PTPRT: variants seen among roughly 807,000 people sequenced by gnomAD.
PTPRT encodes the protein protein tyrosine phosphatase receptor type T, also known as receptor-type tyrosine-protein phosphatase T.
A neutral mutation model predicts 176.8 loss-of-function variants in PTPRT; 56 were observed. That is an observed-to-expected ratio of 0.32 (90% CI 0.26 to 0.40). PTPRT has a LOEUF of 0.40. PTPRT is among the 10% of genes least tolerant of loss of function. The pLI is 1.00. For missense variants in PTPRT, 1,540 were observed against 1,908.2 expected (o/e 0.81, Z 3.60); for synonymous variants, 783 against 739.0 (o/e 1.06, Z -0.96).
At chr20:42,209,842 A>C (rs563373801) in intron 15 of PTPRT, among the ~76,000 whole-genome samples, 4 of 152,228 alleles carry the variant, frequency 2.6e-5, no homozygotes, top group East Asian at 1.9e-4. Flanking sequence ...GAGACACAAC[A>C]AAAAAAGAGA....
At chr20:42,106,589 C>T (rs749520759) in intron 24 of PTPRT, among the ~76,000 whole-genome samples, 197 bp downstream of exon 24, 1 of 152,278 alleles carries the variant, frequency 6.6e-6, no homozygotes, top group Admixed American at 6.5e-5. Context: ...CACTGTAGAC[C>T]TCCAGGGTTG....
rs138293091 is a variant in PTPRT at position 43,094,627 on chromosome 20, A to G, written c.88+95019T>C. On this transcript the variant is annotated intron_variant, in intron 1 of 30. Transcript: ENST00000373187. ...TGGTCAGGCTGGTCTCAAACTCCCA[A>G]CCTCAAGTATCTGCCCGCCTCAGCC... Among the ~76,000 whole-genome samples, 1,438 of 145,932 alleles carry G rather than the reference A, an allele frequency of 9.9e-3. 8 individuals are homozygous for G. Among genetic ancestry groups the G allele is most frequent in the South Asian group, 0.027 (122 of 4,536 alleles).
At chr20:42,642,160 A>G (rs1273821160) in intron 7 of PTPRT, among the ~76,000 whole-genome samples, 6 of 152,158 alleles carry the variant, frequency 3.9e-5, no homozygotes, top group Non-Finnish European at 1.5e-5. Context: ...GGCTGCCACT[A>G]AGAAGAGGAT....
chr20:43,100,111 C>T (rs1164597387), intron 1 of PTPRT, among the ~76,000 whole-genome samples: 3 of 152,206 alleles, frequency 2.0e-5, no homozygotes, highest in Non-Finnish European at 2.9e-5. Context: ...CACAGTGGCT[C>T]ATGCCAGTAA....
chr20:42,671,413 G>C (rs1394075404), intron 7 of PTPRT, among the ~76,000 whole-genome samples: 1 of 152,120 alleles, frequency 6.6e-6, no homozygotes, highest in Non-Finnish European at 1.5e-5. Flanking sequence ...GCAATTCTAA[G>C]ACCCAACTCC....
intron 16 of PTPRT, among the ~76,000 whole-genome samples, chr20:42,191,727 C>T (rs183014352): frequency 4.0e-4 from 61 of 152,204 alleles, no homozygotes; most frequent in Admixed American, 1.4e-3. Flanking sequence ...AAGGCCAGCA[C>T]GTGGTTGCTG....
chr20:42,123,961 C>G (rs562976071), intron 19 of PTPRT, among the ~76,000 whole-genome samples: 3 of 152,282 alleles, frequency 2.0e-5, no homozygotes, highest in Admixed American at 2.0e-4. Flanking sequence ...TTGCTCATGG[C>G]CATGTCCCCA....
At position 42,156,483 on chromosome 20, in the gene PTPRT, A is replaced by G. The variant is rs561213200; in HGVS notation, c.2682+4869T>C. Among the ~76,000 whole-genome samples the G allele has an allele frequency of 1.2e-4, 18 of 152,294 alleles. No homozygotes were observed. The South Asian group carries it at 3.1e-3, about 26-fold the overall frequency. On this transcript the variant is annotated intron_variant, in intron 17 of 30. Coordinates refer to ENST00000373187, the MANE Select transcript of PTPRT (RefSeq NM_007050.6). Reference sequence around the variant, plus strand: ...AATCATCTATAGGCCAATAACTCCCAAAGCTTTCTCTCCAGCCCAGGCTTC... The same window carrying G: ...AATCATCTATAGGCCAATAACTCCCGAAGCTTTCTCTCCAGCCCAGGCTTC...
chr20:43,046,292 C>T (rs1986834863), intron 1 of PTPRT, among the ~76,000 whole-genome samples: 1 of 152,090 alleles, frequency 6.6e-6, no homozygotes, highest in African/African-American at 2.4e-5. Flanking sequence ...GCTACTGAGG[C>T]CAGGCGCGGT....
intron 9 of PTPRT, among the ~76,000 whole-genome samples, chr20:42,384,359 C>A (rs1296299140): frequency 2.0e-5 from 3 of 152,104 alleles, no homozygotes; most frequent in African/African-American, 4.8e-5. Context: ...GGGAAGGAGG[C>A]AAATGTGAGG....
intron 7 of PTPRT, among the ~76,000 whole-genome samples, chr20:42,648,820 G>GTTTTTTTTTTTTTTTTTTTTTTTTGTTT (rs68036487): frequency 8.9e-6 from 1 of 111,834 alleles, no homozygotes; most frequent in African/African-American, 3.7e-5. Context: ...TGGTGTCGTT[G>GTTTTTTTTTTTTTTTTTTTTTTTTGTTT]TTTTTTTTTT....
chr20:43,010,965 A>T (rs1385291902), intron 1 of PTPRT, among the ~76,000 whole-genome samples: 1 of 152,308 alleles, frequency 6.6e-6, no homozygotes, highest in East Asian at 1.9e-4. Flanking sequence ...GTCAAAGCAG[A>T]GACAAGAATC....
chr20:42,857,717 T>G (rs1177255936), intron 2 of PTPRT, among the ~76,000 whole-genome samples: 2 of 152,222 alleles, frequency 1.3e-5, no homozygotes, highest in Non-Finnish European at 2.9e-5. Flanking sequence ...CGGCAAATCA[T>G]AGGCTGGCTC....
At chr20:43,180,423 G>A (rs538858492) in intron 1 of PTPRT, among the ~76,000 whole-genome samples, 1 of 145,994 alleles carries the variant, frequency 6.8e-6, no homozygotes, top group Non-Finnish European at 1.5e-5. Flanking sequence ...TATATAGAAA[G>A]AGAGGGAGAG....
chr20:42,521,553 AC>A (rs1487669807), intron 7 of PTPRT, among the ~76,000 whole-genome samples: 1 of 152,140 alleles, frequency 6.6e-6, no homozygotes, highest in Admixed American at 6.5e-5. Flanking sequence ...TCAATACTGT[AC>A]TTTTTTCCAT....
At chr20:42,878,370 T>C (rs1444437977) in intron 2 of PTPRT, among the ~76,000 whole-genome samples, 3 of 152,252 alleles carry the variant, frequency 2.0e-5, no homozygotes, top group African/African-American at 7.2e-5. Context: ...CATATGACTT[T>C]CATTTCATTC....
At chr20:42,673,779 C>T (rs2146047363) in intron 7 of PTPRT, among the ~76,000 whole-genome samples, 1 of 152,300 alleles carries the variant, frequency 6.6e-6, no homozygotes, top group African/African-American at 2.4e-5. Flanking sequence ...TTTAAAGGAA[C>T]ACAAGTATTC....
intron 5 of PTPRT, among the ~76,000 whole-genome samples, chr20:42,770,952 A>C (rs1600719375): frequency 1.3e-5 from 2 of 152,220 alleles, no homozygotes; most frequent in Non-Finnish European, 2.9e-5. Context: ...GATGCAGGGC[A>C]CCATCAGAGG....
At chr20:42,508,127 T>TTGTGTG (rs57895943) in intron 7 of PTPRT, among the ~76,000 whole-genome samples, 4 of 146,614 alleles carry the variant, frequency 2.7e-5, no homozygotes, top group African/African-American at 5.2e-5. Flanking sequence ...ATTACCCTTT[T>TTGTGTG]TGTGTGTGTG....
Sources: gnomAD v4.1 joint callset for allele counts (sites outside exome capture counted in the v4.1 genomes callset) on GRCh38, gnomAD v4.1.1 for gene constraint, MANE v1.5 for transcripts, NCBI Gene and HGNC (gene_info 2026-07-23, HGNC 2026-07-21) for gene names.